HEPH: variants seen among roughly 807,000 people sequenced by gnomAD.
HEPH encodes hephaestin.
HEPH carries 69 observed loss-of-function variants against 80.8 expected under a neutral mutation model. The observed-to-expected ratio is 0.85, with a 90% CI of 0.70 to 1.04. The LOEUF is 1.04. HEPH is among the 50% of genes least tolerant of loss of function. The probability of loss-of-function intolerance (pLI) is 0.00; values close to 1 mark genes in which losing one functional copy is unlikely to be tolerated. For missense variants in HEPH, 1,115 were observed against 891.3 expected (o/e 1.25, Z -3.20); for synonymous variants, 431 against 322.8 (o/e 1.34, Z -3.60).
At chrX:66,216,387 A>T (rs748984896) in intron 15 of HEPH, among the ~76,000 whole-genome samples, 5 of 112,019 alleles carry the variant, frequency 4.5e-5, no homozygotes, top group Non-Finnish European at 7.5e-5. Flanking sequence ...TGGCTGAGAG[A>T]CATGAAGACG....
In HEPH at chrX:66,215,749, G is replaced by T. The variant is rs552497700; in HGVS notation, c.2563+7503G>T. Among the ~76,000 whole-genome samples the T allele has an allele frequency of 2.7e-5, 3 of 111,124 alleles. No individual in the cohort carries two copies. In the South Asian group the frequency reaches 1.2e-3, roughly 43 times the overall value. ...CACTGAGAGAATCCACAGACCCTTT[G>T]ATGGAGGTGCATTGCCGCTGCAAGC... On this transcript the variant is annotated intron_variant, in intron 15 of 20. Transcript: ENST00000343002.
chrX:66,258,870 G>T lies in HEPH; in HGVS notation c.2927G>T (p.Arg976Met). The T allele has an allele frequency of 8.5e-7, 1 of 1,181,544 alleles. No homozygotes were observed. The highest frequency in any genetic ancestry group is 1.1e-6 in the Non-Finnish European group (1 of 881,202). The change falls in exon 18 of 21, where the codon AGG becomes ATG. Residue 976 changes from arginine (R) to methionine (M), a missense_variant. By Grantham distance (91) the Arg-to-Met change is moderately conservative (BLOSUM62 -1). This residue lies in a region of HEPH where 716 missense variants were observed against 523.5 expected (regional missense o/e 1.37). Transcript: ENST00000343002. Reference sequence around the variant, plus strand: ...AATGGGAAACTCTATGCCAACCTTAGGGGTCTTACCATGTACCAAGGAGAA... The same window carrying T: ...AATGGGAAACTCTATGCCAACCTTATGGGTCTTACCATGTACCAAGGAGAA... ...AINGKLYANL[R>M]GLTMYQGERV...
intron 4 of HEPH, among the ~76,000 whole-genome samples, chrX:66,177,398 C>T (rs2086857878): frequency 9.0e-6 from 1 of 111,591 alleles, no homozygotes; most frequent in South Asian, 3.7e-4. Context: ...TTTAATCTTG[C>T]TGCCTGTTAC....
intron 19 of HEPH, among the ~76,000 whole-genome samples, chrX:66,261,893 G>C (rs1407042994): frequency 8.9e-6 from 1 of 112,501 alleles, no homozygotes; most frequent in Non-Finnish European, 1.9e-5. Context: ...TAGAACAAAA[G>C]TCAAGTGATC....
At chrX:66,213,263 C>T (rs1052738035) in intron 15 of HEPH, among the ~76,000 whole-genome samples, 4 of 108,649 alleles carry the variant, frequency 3.7e-5, no homozygotes, top group Non-Finnish European at 7.6e-5. Context: ...CAGTTCCCAC[C>T]TATGAGTGAG....
intron 15 of HEPH, among the ~76,000 whole-genome samples, chrX:66,224,398 G>A (rs772689681): frequency 2.0e-3 from 223 of 110,351 alleles, no homozygotes; most frequent in Non-Finnish European, 3.4e-3. Flanking sequence ...CCTAGGTCTG[G>A]TTGGAACTTT....
rs556164663 is a variant in HEPH at position 66,254,487 on chromosome X, A to T, written c.2564-548A>T. The stretch of plus-strand genomic sequence containing the variant: ...TACAATCTGTTTTCCTGGTGCTGTC[A>T]GGACAATCTTTAAAAGATATTCAGC... On this transcript the variant is annotated intron_variant, in intron 15 of 20. Transcript: ENST00000343002. Among the ~76,000 whole-genome samples the T allele has an allele frequency of 3.6e-5, 4 of 111,464 alleles. No individual in the cohort carries two copies. In the South Asian group the frequency reaches 1.1e-3, roughly 32 times the overall value.
At chrX:66,168,203 C>G (rs939242465) in intron 1 of HEPH, among the ~76,000 whole-genome samples, 1 of 111,796 alleles carries the variant, frequency 8.9e-6, no homozygotes, top group African/African-American at 3.3e-5. Flanking sequence ...AGGTGGCCTT[C>G]TGGAGCAGTT....
At chrX:66,222,813 A>T in intron 15 of HEPH, among the ~76,000 whole-genome samples, 1 of 112,353 alleles carries the variant, frequency 8.9e-6, no homozygotes, top group Non-Finnish European at 1.9e-5. Flanking sequence ...CCCACAGGGT[A>T]TAACAAGGCA....
At chrX:66,221,757 G>T (rs1192075801) in intron 15 of HEPH, among the ~76,000 whole-genome samples, 2 of 112,835 alleles carry the variant, frequency 1.8e-5, no homozygotes, top group Non-Finnish European at 3.7e-5. Flanking sequence ...ATTGCTGTTG[G>T]TTGTAATAGA....
intron 4 of HEPH, among the ~76,000 whole-genome samples, chrX:66,178,864 G>A (rs991790902): frequency 1.8e-5 from 2 of 111,796 alleles, no homozygotes; most frequent in South Asian, 7.4e-4. Flanking sequence ...CAGATGAGTA[G>A]ATTGCAAAAA....
intron 15 of HEPH, among the ~76,000 whole-genome samples, chrX:66,237,160 T>C (rs1361242931): frequency 9.1e-6 from 1 of 110,261 alleles, no homozygotes; most frequent in Non-Finnish European, 1.9e-5. Context: ...TTTCTTCTAC[T>C]AGCTTTGGGA....
chrX:66,246,800 G>T (rs779980372), intron 15 of HEPH, among the ~76,000 whole-genome samples: 5 of 111,842 alleles, frequency 4.5e-5, no homozygotes, highest in Middle Eastern at 4.6e-3. Context: ...TCCTGACATG[G>T]TTTCTCTGTT....
intron 15 of HEPH, among the ~76,000 whole-genome samples, chrX:66,224,595 C>T (rs1248267829): frequency 8.9e-6 from 1 of 112,080 alleles, no homozygotes; most frequent in African/African-American, 3.2e-5. Context: ...AAAGCTCTTG[C>T]TGCTATAGAT....
At chrX:66,180,321 G>A (rs1296968310) in intron 4 of HEPH, among the ~76,000 whole-genome samples, 1 of 110,912 alleles carries the variant, frequency 9.0e-6, no homozygotes, top group East Asian at 2.8e-4. Context: ...AATTCTCTCA[G>A]CGTATGTTTG....
At chrX:66,215,457 A>T (rs753062873) in intron 15 of HEPH, among the ~76,000 whole-genome samples, 1 of 111,723 alleles carries the variant, frequency 9.0e-6, no homozygotes, top group African/African-American at 3.2e-5. Context: ...ATCTCAAGAG[A>T]GTGCATGTAA....
intron 15 of HEPH, among the ~76,000 whole-genome samples, chrX:66,238,624 T>A (rs768145146): frequency 5.4e-5 from 6 of 111,819 alleles, no homozygotes; most frequent in Non-Finnish European, 1.1e-4. Flanking sequence ...ACTGTTAGTC[T>A]GATGGGTGTC....
rs1602266738 is a variant in HEPH at position 66,189,810 on chromosome X, T to C, written c.935T>C (p.Met312Thr). ...CACACAGCATTTTTCCATGGACAGA[T>C]GCTGACTACCCGTGGACACCACACT... is the stretch of plus-strand genomic sequence containing the variant. ...DVHTAFFHGQ[M>T]LTTRGHHTDV... Residue 312 changes from methionine (M) to threonine (T), a missense_variant, in exon 6 of 21, where the codon ATG becomes ACG. This residue lies in a region of HEPH where 391 missense variants were observed against 343.6 expected (regional missense o/e 1.14). Transcript: ENST00000343002. 2 of 1,211,479 alleles carry C rather than the reference T, an allele frequency of 1.7e-6. No homozygotes were observed. The highest frequency in any genetic ancestry group is 5.9e-5 in the East Asian group (2 of 33,840).
chrX:66,240,818 C>CA (rs1297119761), intron 15 of HEPH, among the ~76,000 whole-genome samples: 1 of 111,905 alleles, frequency 8.9e-6, no homozygotes, highest in Non-Finnish European at 1.9e-5. Context: ...ACCTATACTA[C>CA]AAAAAATGTT....
Sources: gnomAD v4.1 joint callset for allele counts (sites outside exome capture counted in the v4.1 genomes callset) on GRCh38, gnomAD v4.1.1 for gene constraint, gnomAD v4.1.1 regional missense constraint, MANE v1.5 for transcripts, NCBI Gene and HGNC (gene_info 2026-07-23, HGNC 2026-07-21) for gene names.